The following CACNA2D3 variants were observed in gnomAD, a reference collection of about 807,000 sequenced individuals.
CACNA2D3 encodes the protein voltage-dependent calcium channel subunit alpha-2/delta-3.
Under a neutral mutation model 160.6 loss-of-function variants are expected in CACNA2D3, and 60 were observed. The ratio of observed to expected loss-of-function variants is 0.37; its 90% CI spans 0.30 to 0.46. The LOEUF is 0.46. Among genes scored for constraint, CACNA2D3 ranks in the 20% least tolerant of loss-of-function variants. The pLI is 1.00. For synonymous variants in CACNA2D3, 558 were observed against 492.9 expected, an observed-to-expected ratio of 1.13 and a Z score of -1.75; for missense variants, 1,205 against 1,365.0, an observed-to-expected ratio of 0.88 and a Z score of 1.85.
intron 31 of CACNA2D3, among the ~76,000 whole-genome samples, chr3:55,004,278 A>G (rs1703041032): frequency 6.6e-6 from 1 of 152,174 alleles, no homozygotes; most frequent in South Asian, 2.1e-4. Context: ...CACTTTGTCA[A>G]TGTACAGGGC....
intron 31 of CACNA2D3, among the ~76,000 whole-genome samples, chr3:54,996,867 T>G (rs1315795191): frequency 6.6e-6 from 1 of 152,168 alleles, no homozygotes; most frequent in Non-Finnish European, 1.5e-5. Context: ...TTCGTGTCCT[T>G]TGCAGGGACA....
At chr3:54,234,284 G>A (rs1284335176) in intron 2 of CACNA2D3, among the ~76,000 whole-genome samples, 2 of 152,104 alleles carry the variant, frequency 1.3e-5, no homozygotes, top group Non-Finnish European at 2.9e-5. Context: ...ACTACATTGA[G>A]ATACCATCTT....
At chr3:54,341,251 G>A (rs1163348975) in intron 3 of CACNA2D3, among the ~76,000 whole-genome samples, 1 of 152,220 alleles carries the variant, frequency 6.6e-6, no homozygotes, top group African/African-American at 2.4e-5. Context: ...TTCAGTGTTT[G>A]TTCTCTTTAT....
chr3:54,647,921 C>T (rs1014495260), intron 11 of CACNA2D3, among the ~76,000 whole-genome samples: 1 of 152,176 alleles, frequency 6.6e-6, no homozygotes, highest in African/African-American at 2.4e-5. Context: ...TATGACTTAA[C>T]AGCAGCTCTT....
intron 31 of CACNA2D3, among the ~76,000 whole-genome samples, chr3:55,000,226 GC>G (rs1702950481): frequency 6.6e-6 from 1 of 152,146 alleles, no homozygotes; most frequent in Admixed American, 6.5e-5. Context: ...GATACAGGTA[GC>G]CGCAAAATGG....
rs75121922 is a variant in CACNA2D3 at position 54,163,611 on chromosome 3, G to A, written c.204+40017G>A. The stretch of plus-strand genomic sequence containing the variant: ...GGGGTGATTAATTCTCTCACAGGGA[G>A]GGGTAGAAATCAGTTAGGTGCAAGC... On this transcript the variant is annotated intron_variant, in intron 2 of 37. Transcript: ENST00000474759. Among the ~76,000 whole-genome samples, 2,171 of 152,292 alleles carry A rather than the reference G, an allele frequency of 0.014. 125 individuals are homozygous for A. The East Asian group carries it at 0.21, about 14-fold the overall frequency.
At chr3:54,506,408 G>T (rs73841615) in intron 5 of CACNA2D3, among the ~76,000 whole-genome samples, 3,971 of 152,240 alleles carry the variant, frequency 0.026, 173 homozygotes, top group African/African-American at 0.09. Context: ...TACTTGCCTA[G>T]GAGCTTCTGT....
chr3:54,427,187 G>A (rs1699922868), intron 4 of CACNA2D3, among the ~76,000 whole-genome samples: 1 of 152,182 alleles, frequency 6.6e-6, no homozygotes, highest in African/African-American at 2.4e-5. Flanking sequence ...GTGTTGTAGA[G>A]TGCCAGAAAG....
intron 4 of CACNA2D3, among the ~76,000 whole-genome samples, chr3:54,498,165 T>G (rs1221198056): frequency 6.6e-6 from 1 of 151,906 alleles, no homozygotes; most frequent in African/African-American, 2.4e-5. Flanking sequence ...TTGTATTTTT[T>G]TCTCATATAT....
At chr3:54,317,489 A>C (rs1055484796) in intron 2 of CACNA2D3, among the ~76,000 whole-genome samples, 14 of 152,182 alleles carry the variant, frequency 9.2e-5, no homozygotes, top group Admixed American at 7.9e-4. Flanking sequence ...GGCAGGTGGT[A>C]GAAGGGCAAG....
At chr3:54,409,054 A>C (rs1283273752) in intron 4 of CACNA2D3, among the ~76,000 whole-genome samples, 1 of 152,306 alleles carries the variant, frequency 6.6e-6, no homozygotes, top group East Asian at 1.9e-4. Flanking sequence ...TCTTCCAACA[A>C]ATACAGATAT....
At position 54,237,970 on chromosome 3, in the gene CACNA2D3, C is replaced by T. The variant is rs1385505791; in HGVS notation, c.205-82472C>T. On this transcript the variant is annotated intron_variant, in intron 2 of 37. Transcript: ENST00000474759. ...TTGGTTGTGCTGACGTGCTTTGAGT[C>T]CCTGGGAGTGGTGTGGTGTGGCTCA... 3.9e-5 allele frequency among the ~76,000 whole-genome samples: 6 copies of T among 152,268 alleles called. No homozygotes were observed. In the East Asian group the frequency reaches 1.2e-3, roughly 29 times the overall value.
chr3:54,978,404 T>C lies in CACNA2D3; in HGVS notation c.2557-6204T>C, dbSNP rs115565298. ...GGGCAATGCCATTCCTGCCTAACTA[T>C]TGGGTCTCTTGCATTCAGGGTAGAT... On this transcript the variant is annotated intron_variant, in intron 29 of 37. Coordinates refer to ENST00000474759, the MANE Select transcript of CACNA2D3 (RefSeq NM_018398.3). Among the ~76,000 whole-genome samples the C allele has an allele frequency of 3.5e-3, 539 of 152,292 alleles. 4 individuals are homozygous for C. The highest frequency in any genetic ancestry group is 0.012 in the African/African-American group (507 of 41,558).
intron 5 of CACNA2D3, among the ~76,000 whole-genome samples, chr3:54,560,915 A>G (rs531886113): frequency 1.3e-4 from 19 of 151,900 alleles, no homozygotes; most frequent in Non-Finnish European, 1.8e-4. Context: ...TTTCCTCTCT[A>G]TTTGGTTCCA....
At chr3:54,603,184 C>T (rs1309483278) in intron 9 of CACNA2D3, among the ~76,000 whole-genome samples, 2 of 152,180 alleles carry the variant, frequency 1.3e-5, no homozygotes, top group Admixed American at 6.5e-5. Flanking sequence ...ACTCAGAGGG[C>T]GCTGGCCGTG....
chr3:54,215,049 C>T (rs1701436309), intron 2 of CACNA2D3, among the ~76,000 whole-genome samples: 1 of 152,136 alleles, frequency 6.6e-6, no homozygotes, highest in African/African-American at 2.4e-5. Flanking sequence ...TCATCCTGTC[C>T]CCTCCCAGGC....
chr3:54,192,671 G>GGT (rs147191768), intron 2 of CACNA2D3, among the ~76,000 whole-genome samples: 76,658 of 149,570 alleles, frequency 0.51, 19,600 homozygotes, highest in East Asian at 0.67. Flanking sequence ...CCATATGTGA[G>GGT]GTGTGTGTGT....
In CACNA2D3 at chr3:54,838,078, C is replaced by T. The variant is rs1426570369; in HGVS notation, c.1471-490C>T. ...GGGGCTCCAGAGGCCTATTCCTTCACCTTGGTCCTCAGTTGGTAAAAGTGT... is the reference window on the plus strand; with the variant it reads ...GGGGCTCCAGAGGCCTATTCCTTCATCTTGGTCCTCAGTTGGTAAAAGTGT... On this transcript the variant is annotated intron_variant, in intron 15 of 37. Transcript: ENST00000474759. Among the ~76,000 whole-genome samples the T allele has an allele frequency of 2.6e-5, 4 of 152,148 alleles. No homozygotes were observed. In the East Asian group the frequency reaches 7.7e-4, roughly 29 times the overall value.
chr3:54,583,259 A>G lies in CACNA2D3; in HGVS notation c.963+1382A>G, dbSNP rs193137646. Among the ~76,000 whole-genome samples, 416 of 152,326 alleles carry G rather than the reference A, an allele frequency of 2.7e-3. 2 individuals carry two copies. The highest frequency in any genetic ancestry group is 9.4e-3 in the African/African-American group (392 of 41,572). The stretch of plus-strand genomic sequence containing the variant: ...AAAGCCTTCCTTCAGATTGCTTCCC[A>G]GAGGAACAAAGGACAGTATGATCTT... On this transcript the variant is annotated intron_variant, in intron 9 of 37. Transcript: ENST00000474759.
Sources: gnomAD v4.1 joint callset for allele counts (sites outside exome capture counted in the v4.1 genomes callset) on GRCh38, gnomAD v4.1.1 for gene constraint, MANE v1.5 for transcripts, NCBI Gene and HGNC (gene_info 2026-07-23, HGNC 2026-07-21) for gene names.